MEIKIN: variants seen among roughly 807,000 people sequenced by gnomAD.
The protein encoded by MEIKIN is meiotic kinetochore factor.
rs577767192 is a variant in MEIKIN, at chr5:131,881,061, T to A, written c.704-2013A>T. 2.6e-5 allele frequency among the ~76,000 whole-genome samples: 4 copies of A among 152,240 alleles called. No individual in the cohort carries two copies. The East Asian group carries it at 7.7e-4, about 29-fold the overall frequency. On this transcript the variant is annotated intron_variant, in intron 8 of 12. Coordinates refer to ENST00000442687, the MANE Select transcript of MEIKIN (RefSeq NM_001303622.2). The stretch of plus-strand genomic sequence containing the variant: ...GTCTTTGAGGGTAAGAAGCAACAGG[T>A]GGGTTTGAGAGCTCTGTAGGAGATA...
chr5:131,838,509 T>C, intron 11 of MEIKIN, among the ~76,000 whole-genome samples: 1 of 152,078 alleles, frequency 6.6e-6, no homozygotes, highest in Admixed American at 6.6e-5. Flanking sequence ...GGTAGGCTTA[T>C]TACTTATTCA....
At chr5:131,814,901 G>A (rs1028592390) in intron 12 of MEIKIN, among the ~76,000 whole-genome samples, 1 of 152,154 alleles carries the variant, frequency 6.6e-6, no homozygotes, top group African/African-American at 2.4e-5. Flanking sequence ...ACTGCTGAGG[G>A]CCCAACCAGT....
At chr5:131,912,964 G>A (rs1476132234) in intron 7 of MEIKIN, among the ~76,000 whole-genome samples, 1 of 152,160 alleles carries the variant, frequency 6.6e-6, no homozygotes, top group Admixed American at 6.5e-5. Flanking sequence ...CTCTGGCAGT[G>A]AATTATAGGA....
chr5:131,851,099 G>A (rs548964922), intron 11 of MEIKIN, among the ~76,000 whole-genome samples, 165 bp downstream of exon 11: 2 of 152,258 alleles, frequency 1.3e-5, no homozygotes, highest in Admixed American at 1.3e-4. Context: ...GTGCATCAAA[G>A]ACCCTAACCA....
chr5:131,875,814 A>G (rs1394331592), intron 9 of MEIKIN, among the ~76,000 whole-genome samples: 1 of 152,214 alleles, frequency 6.6e-6, no homozygotes, highest in Non-Finnish European at 1.5e-5. Context: ...CCTATGGAAC[A>G]GAACACAGCA....
At chr5:131,910,877 C>T (rs1751325590) in intron 8 of MEIKIN, among the ~76,000 whole-genome samples, 1 of 152,016 alleles carries the variant, frequency 6.6e-6, no homozygotes, top group Non-Finnish European at 1.5e-5. Context: ...GCCCTACCAC[C>T]AAGCTTTGTA....
intron 11 of MEIKIN, among the ~76,000 whole-genome samples, chr5:131,822,260 C>T (rs1749523107): frequency 6.6e-6 from 1 of 151,934 alleles, no homozygotes; most frequent in South Asian, 2.1e-4. Context: ...TATGTTTTTT[C>T]ATTGGAGAGT....
rs374044896 is a variant in MEIKIN, at chr5:131,892,654, G to T, written c.704-13606C>A. Among the ~76,000 whole-genome samples, 6 of 152,226 alleles carry T rather than the reference G, an allele frequency of 3.9e-5. No homozygotes were observed. The South Asian group carries it at 1.0e-3, about 26-fold the overall frequency. The stretch of plus-strand genomic sequence containing the variant: ...AAGGTTTTTAATATCTTTGCTATTG[G>T]TTCGAACTTCTTCCTTTAGCTCGGA... On this transcript the variant is annotated intron_variant, in intron 8 of 12. Coordinates refer to ENST00000442687, the MANE Select transcript of MEIKIN (RefSeq NM_001303622.2).
At chr5:131,819,179 G>A (rs949114270) in intron 11 of MEIKIN, among the ~76,000 whole-genome samples, 10 of 152,040 alleles carry the variant, frequency 6.6e-5, no homozygotes, top group Non-Finnish European at 1.2e-4. Context: ...GCTGAAGTGG[G>A]AGAGAAAGTT....
chr5:131,838,024 T>C (rs1749841036), intron 11 of MEIKIN, among the ~76,000 whole-genome samples: 1 of 152,078 alleles, frequency 6.6e-6, no homozygotes, highest in Non-Finnish European at 1.5e-5. Flanking sequence ...TTTTGAGGTA[T>C]ATTCCTTCAA....
intron 8 of MEIKIN, among the ~76,000 whole-genome samples, chr5:131,903,025 G>A (rs555465871): frequency 6.6e-6 from 1 of 152,238 alleles, no homozygotes; most frequent in South Asian, 2.1e-4. Flanking sequence ...AGTATTAAGA[G>A]TAGAATTGAC....
intron 11 of MEIKIN, among the ~76,000 whole-genome samples, chr5:131,849,549 C>A (rs1194533402): frequency 1.8e-5 from 1 of 55,120 alleles, no homozygotes; most frequent in African/African-American, 6.8e-5. Flanking sequence ...ATAAAGAAAC[C>A]TCTTTTCTTT....
intron 8 of MEIKIN, among the ~76,000 whole-genome samples, chr5:131,884,747 G>T (rs1450966986): frequency 6.6e-6 from 1 of 151,262 alleles, no homozygotes; most frequent in Non-Finnish European, 1.5e-5. Flanking sequence ...CTAATTCCAG[G>T]CCTTGGCTCT....
chr5:131,867,338 T>C, intron 9 of MEIKIN, among the ~76,000 whole-genome samples: 1 of 152,212 alleles, frequency 6.6e-6, no homozygotes, highest in East Asian at 1.9e-4. Flanking sequence ...TAGTGGTCTA[T>C]TTATTATAAT....
chr5:131,938,040 T>C (rs1041140945), intron 4 of MEIKIN, among the ~76,000 whole-genome samples: 1 of 152,136 alleles, frequency 6.6e-6, no homozygotes, highest in Non-Finnish European at 1.5e-5. Flanking sequence ...GTTTACTCTA[T>C]AATGTCTGAA....
At chr5:131,879,693 C>G (rs1465962637) in intron 8 of MEIKIN, among the ~76,000 whole-genome samples, 1 of 152,142 alleles carries the variant, frequency 6.6e-6, no homozygotes, top group Admixed American at 6.5e-5. Context: ...CCAAAGTATC[C>G]AGTTGCACTT....
At chr5:131,856,261 C>G (rs949798640) in intron 9 of MEIKIN, among the ~76,000 whole-genome samples, 3 of 152,098 alleles carry the variant, frequency 2.0e-5, no homozygotes, top group Admixed American at 1.3e-4. Flanking sequence ...TAAAAAGAAC[C>G]TATGGTGTCT....
At chr5:131,902,519 T>C (rs993814835) in intron 8 of MEIKIN, among the ~76,000 whole-genome samples, 29 of 152,332 alleles carry the variant, frequency 1.9e-4, no homozygotes, top group African/African-American at 6.3e-4. Context: ...CTGTACATCA[T>C]GCTTCCTGTA....
intron 11 of MEIKIN, among the ~76,000 whole-genome samples, chr5:131,850,082 T>C (rs140625754): frequency 1.6e-3 from 234 of 150,126 alleles, no homozygotes; most frequent in African/African-American, 5.6e-3. Context: ...TAAATTACAA[T>C]TCAATTCATA....
Sources: gnomAD v4.1 joint callset for allele counts (sites outside exome capture counted in the v4.1 genomes callset) on GRCh38, gnomAD v4.1.1 for gene constraint, MANE v1.5 for transcripts, NCBI Gene and HGNC (gene_info 2026-07-23, HGNC 2026-07-21) for gene names.